Variants in ROBO1 observed in about 807,000 individuals in gnomAD.
The protein encoded by ROBO1 is roundabout homolog 1.
In ROBO1, 149 loss-of-function variants were observed where a neutral mutation model predicts 195.9. The ratio of observed to expected loss-of-function variants is 0.76; its 90% CI spans 0.67 to 0.87. ROBO1 has a LOEUF of 0.87. ROBO1 is among the 40% of genes least tolerant of loss of function. The pLI is 0.00. For synonymous variants in ROBO1, 816 were observed against 733.2 expected, an observed-to-expected ratio of 1.11 and a Z score of -1.82; for missense variants, 1,933 against 2,068.3, an observed-to-expected ratio of 0.93 and a Z score of 1.27.
At position 79,429,241 on chromosome 3, in the gene ROBO1, T is replaced by A. The variant is rs930781712; in HGVS notation, c.88+160583A>T. 2.6e-5 allele frequency among the ~76,000 whole-genome samples: 4 copies of A among 152,106 alleles called. No individual in the cohort carries two copies. The East Asian group carries it at 7.7e-4, about 29-fold the overall frequency. On this transcript the variant is annotated intron_variant, in intron 2 of 30. Transcript: ENST00000464233. ...ATACATACACTCCTTTGAACAAAAC[T>A]TAAGCTATGATTGGAGTTGCTGGTT...
intron 29 of ROBO1, among the ~76,000 whole-genome samples, chr3:78,601,826 A>G (rs1009308863): frequency 6.6e-6 from 1 of 152,062 alleles, no homozygotes; most frequent in Non-Finnish European, 1.5e-5. Context: ...GTGTCCCTGG[A>G]CTTCTTACTG....
chr3:79,617,786 A>G (rs1255283527), intron 1 of ROBO1, among the ~76,000 whole-genome samples: 5 of 140,592 alleles, frequency 3.6e-5, no homozygotes, highest in African/African-American at 1.1e-4. Context: ...AGGCCACTGC[A>G]CTCCAGCCTA....
chr3:79,294,474 A>C (rs2032463858), intron 2 of ROBO1, among the ~76,000 whole-genome samples: 1 of 152,184 alleles, frequency 6.6e-6, no homozygotes, highest in Non-Finnish European at 1.5e-5. Context: ...ACTTAAACGT[A>C]AGACCTAAAA....
chr3:79,474,970 C>G (rs984543350), intron 2 of ROBO1, among the ~76,000 whole-genome samples: 3 of 151,918 alleles, frequency 2.0e-5, no homozygotes, highest in Middle Eastern at 3.2e-3. Flanking sequence ...TCTAGGAAAA[C>G]TGGGAGAATT....
intron 2 of ROBO1, among the ~76,000 whole-genome samples, chr3:79,269,302 G>A (rs1213221152): frequency 6.6e-6 from 1 of 151,688 alleles, no homozygotes; most frequent in Non-Finnish European, 1.5e-5. Flanking sequence ...AGTATTTCAA[G>A]TATTTAGCAC....
chr3:79,320,144 G>T (rs1166714805), intron 2 of ROBO1, among the ~76,000 whole-genome samples: 2 of 152,142 alleles, frequency 1.3e-5, no homozygotes, highest in Non-Finnish European at 2.9e-5. Flanking sequence ...GAAATCCAAG[G>T]TCATGGTGCC....
At chr3:79,316,239 AG>A (rs1319191424) in intron 2 of ROBO1, among the ~76,000 whole-genome samples, 2 of 152,148 alleles carry the variant, frequency 1.3e-5, no homozygotes, top group Non-Finnish European at 2.9e-5. Context: ...TGATTGGAGG[AG>A]GAGGTTCAAG....
intron 4 of ROBO1, among the ~76,000 whole-genome samples, chr3:78,861,673 A>T (rs2034849850): frequency 6.6e-6 from 1 of 152,184 alleles, no homozygotes; most frequent in East Asian, 1.9e-4. Flanking sequence ...GACATACTTC[A>T]AAAGCTACCT....
chr3:79,087,754 GAA>G (rs1034060177), intron 3 of ROBO1, among the ~76,000 whole-genome samples: 1 of 151,718 alleles, frequency 6.6e-6, no homozygotes, highest in Non-Finnish European at 1.5e-5. Flanking sequence ...GAAAAATTTA[GAA>G]AAAAAGTCTT....
intron 1 of ROBO1, among the ~76,000 whole-genome samples, chr3:79,718,044 G>A (rs1371638547): frequency 6.6e-6 from 1 of 151,966 alleles, no homozygotes; most frequent in Admixed American, 6.6e-5. Flanking sequence ...TGAAAGTGGA[G>A]ATAGTGTCAA....
intron 2 of ROBO1, among the ~76,000 whole-genome samples, chr3:79,510,808 A>G (rs1191697558): frequency 6.6e-6 from 1 of 152,150 alleles, no homozygotes; most frequent in Non-Finnish European, 1.5e-5. Flanking sequence ...CTGTATTCTG[A>G]CATTTTTGGA....
rs527857332 is a variant in ROBO1 at position 79,575,321 on chromosome 3, CAT to C, written c.88+14501_88+14502del. On this transcript the variant is annotated intron_variant, in intron 2 of 30. Coordinates refer to ENST00000464233, the MANE Select transcript of ROBO1 (RefSeq NM_002941.4). Reference sequence around the variant, plus strand: ...CAAATATATATAAATATATATATAACATATATATAAATATATATAACCAATAT... The same window carrying C: ...CAAATATATATAAATATATATATAACATATATAAATATATATAACCAATAT... Among the ~76,000 whole-genome samples, 420 of 100,786 alleles carry C rather than the reference CAT, an allele frequency of 4.2e-3. 5 individuals are homozygous for C. The highest frequency in any genetic ancestry group is 0.018 in the African/African-American group (390 of 21,776). 66.1% of individuals were successfully genotyped at this position (100,786 alleles called of 152,430 possible).
intron 9 of ROBO1, among the ~76,000 whole-genome samples, chr3:78,687,934 T>G (rs1212640805): frequency 6.6e-6 from 1 of 152,186 alleles, no homozygotes; most frequent in Non-Finnish European, 1.5e-5. Flanking sequence ...CCCAGCCGCG[T>G]TTTTGTTTTA....
intron 2 of ROBO1, among the ~76,000 whole-genome samples, chr3:79,301,297 G>A (rs573792985): frequency 4.6e-5 from 7 of 152,230 alleles, no homozygotes; most frequent in South Asian, 4.1e-4. Flanking sequence ...GAGAGTCCGC[G>A]ACTTCTTTCT....
intron 2 of ROBO1, among the ~76,000 whole-genome samples, chr3:79,443,869 G>GA (rs948735671): frequency 1.3e-5 from 2 of 151,068 alleles, no homozygotes; most frequent in Non-Finnish European, 3.0e-5. Context: ...AGCACACAGG[G>GA]AAAAAAACAA....
chr3:79,460,477 T>C (rs1937594465), intron 2 of ROBO1, among the ~76,000 whole-genome samples: 1 of 152,152 alleles, frequency 6.6e-6, no homozygotes. Flanking sequence ...ACAAAGAAAA[T>C]AGCCACAGTG....
chr3:78,938,805 T>C lies in ROBO1; in HGVS notation c.295A>G (p.Ile99Val), dbSNP rs754707639. ...CKAEGRPTPT[I>V]EWYKGGERVE... ...CTCTCTCCCCCTTTGTACCATTCAA[T>C]AGTGGGTGTGGGGCGGCCTTCAGCT... is the stretch of plus-strand genomic sequence containing the variant. Residue 99 changes from isoleucine (I) to valine (V), a missense_variant, in exon 4 of 31, where the codon ATT becomes GTT. By Grantham distance (29) the Ile-to-Val change is conservative. Around this residue, in one of 3 missense-constraint regions of ROBO1, gnomAD observed 185 missense variants for 159.5 expected, o/e 1.16. Coordinates refer to ENST00000464233, the MANE Select transcript of ROBO1 (RefSeq NM_002941.4). 1.6e-5 allele frequency: 26 copies of C among 1,614,006 alleles called. No homozygotes were observed. The highest frequency in any genetic ancestry group is 1.9e-5 in the Non-Finnish European group (23 of 1,179,882).
intron 5 of ROBO1, 129 bp from the exon 6 acceptor site, chr3:78,718,012 A>ACTACATATCAGC: frequency 2.3e-6 from 2 of 853,722 alleles, no homozygotes; most frequent in Non-Finnish European, 3.6e-6. Context: ...AACAGCTGAT[A>ACTACATATCAGC]TGTAGTATTT....
chr3:79,451,356 G>A (rs1026902313), intron 2 of ROBO1, among the ~76,000 whole-genome samples: 6 of 152,020 alleles, frequency 3.9e-5, no homozygotes, highest in African/African-American at 1.2e-4. Context: ...TCAGGGAATT[G>A]TGAATTTGAA....
Sources: gnomAD v4.1 joint callset for allele counts (sites outside exome capture counted in the v4.1 genomes callset) on GRCh38, gnomAD v4.1.1 for gene constraint, gnomAD v4.1.1 regional missense constraint, MANE v1.5 for transcripts, NCBI Gene and HGNC (gene_info 2026-07-23, HGNC 2026-07-21) for gene names.